Variants in NCOR2 observed in about 807,000 individuals in gnomAD.
The protein encoded by NCOR2 is nuclear receptor corepressor 2.
Under a neutral mutation model 262.9 loss-of-function variants are expected in NCOR2, and 81 were observed. The observed-to-expected ratio is 0.31, with a 90% CI of 0.26 to 0.37. The LOEUF (loss-of-function observed/expected upper bound fraction) is 0.37. Among genes scored for constraint, NCOR2 ranks in the 10% least tolerant of loss-of-function variants. The probability of loss-of-function intolerance (pLI) is 1.00; values close to 1 mark genes in which losing one functional copy is unlikely to be tolerated. For missense variants in NCOR2, 3,385 were observed against 3,621.4 expected (o/e 0.93, Z 1.68); for synonymous variants, 1,659 against 1,559.3 (o/e 1.06, Z -1.51).
At chr12:124,395,504 C>T (rs1436327991) in intron 16 of NCOR2, among the ~76,000 whole-genome samples, 3 of 152,264 alleles carry the variant, frequency 2.0e-5, no homozygotes, top group Non-Finnish European at 4.4e-5. Flanking sequence ...GGGACGCTCA[C>T]TGCCGTCTCC....
At chr12:124,383,555 C>A in intron 17 of NCOR2, 1 of 459,012 alleles carries the variant, frequency 2.2e-6, no homozygotes, top group South Asian at 9.1e-5. Context: ...AAGAGGGGGC[C>A]TCAGGTGGCC....
At chr12:124,563,894 T>C (rs1594083319) in intron 1 of NCOR2, among the ~76,000 whole-genome samples, 1 of 152,356 alleles carries the variant, frequency 6.6e-6, no homozygotes, top group Middle Eastern at 3.4e-3. Context: ...CTGCAGTAAA[T>C]TCCTGCTGCA....
Position 124,433,879 on chromosome 12 carries a change from C to CAAACACACAT in NCOR2, c.883-3093_883-3092insATGTGTGTTT, listed in dbSNP as rs879336408. Reference sequence around the variant, plus strand: ...ACACACACACACACACACACACACACACACACACACACACACACACGCACA... The same window carrying CAAACACACAT: ...ACACACACACACACACACACACACACAAACACACATACACACACACACACACACACGCACA... On this transcript the variant is annotated intron_variant, in intron 8 of 46. Transcript: ENST00000405201. 2.9e-5 allele frequency among the ~76,000 whole-genome samples: 3 copies of CAAACACACAT among 103,306 alleles called. 1 individual carries two copies. The highest frequency in any genetic ancestry group is 1.9e-4 in the Admixed American group (2 of 10,308). The allele number at this position is 103,306 out of a possible 152,430, so 67.8% of individuals were successfully genotyped here.
At chr12:124,421,412 G>A (rs368939175) in intron 12 of NCOR2, among the ~76,000 whole-genome samples, 2 of 152,208 alleles carry the variant, frequency 1.3e-5, no homozygotes, top group Admixed American at 6.5e-5. Flanking sequence ...CCGCCGTGCC[G>A]TCCACTCCCT....
intron 44 of NCOR2, chr12:124,328,903 C>T (rs1391975262): frequency 7.2e-6 from 2 of 275,946 alleles, no homozygotes; most frequent in Non-Finnish European, 1.5e-5. Context: ...ATGCTCACAC[C>T]TTTTCTGCTG....
At position 124,335,757 on chromosome 12, in the gene NCOR2, G is replaced by A. The variant is rs1566357594; in HGVS notation, c.6116-125C>T. On this transcript the variant is annotated intron_variant, in intron 38 of 46. Coordinates refer to ENST00000405201, the Ensembl canonical transcript of NCOR2. ...CAAGGGGAACCCAAGCTAGGGGTAGGGTTTGGGCTCCCAAAGACAGTAAGG... is the reference window on the plus strand; with the variant it reads ...CAAGGGGAACCCAAGCTAGGGGTAGAGTTTGGGCTCCCAAAGACAGTAAGG... The A allele has an allele frequency of 4.4e-6, 5 of 1,130,322 alleles. No individual in the cohort carries two copies. The South Asian group carries it at 8.0e-5, about 18-fold the overall frequency. 70.0% of individuals were successfully genotyped at this position (1,130,322 alleles called of 1,614,324 possible).
intron 11 of NCOR2, among the ~76,000 whole-genome samples, chr12:124,425,360 C>T (rs1008511147): frequency 8.6e-5 from 13 of 150,536 alleles, no homozygotes; most frequent in East Asian, 1.9e-4. Context: ...GGCAACAGAA[C>T]GAAACTCTGT....
chr12:124,402,018 A>AG (rs1336499416), intron 14 of NCOR2, among the ~76,000 whole-genome samples: 1 of 152,154 alleles, frequency 6.6e-6, no homozygotes, highest in Non-Finnish European at 1.5e-5. Flanking sequence ...TCCTTCCAGG[A>AG]GGGCCTCTGA....
chr12:124,546,452 A>G (rs1008177474), intron 1 of NCOR2, among the ~76,000 whole-genome samples: 1 of 152,216 alleles, frequency 6.6e-6, no homozygotes, highest in African/African-American at 2.4e-5. Context: ...TCTGTTATAC[A>G]GGCTGGAGTG....
rs1453103773 is a variant in NCOR2 at position 124,488,879 on chromosome 12, G to A, written c.106-2311C>T. ...CCATGGTGGAGGAGGCCCGAAGTGG[G>A]GGCTGGGGAGGCCTCTGCATGAACC... On this transcript the variant is annotated intron_variant, in intron 1 of 46. Coordinates refer to ENST00000405201, the Ensembl canonical transcript of NCOR2. Among the ~76,000 whole-genome samples the A allele has an allele frequency of 2.6e-5, 4 of 152,126 alleles. No individual in the cohort carries two copies. The East Asian group carries it at 5.8e-4, about 22-fold the overall frequency.
intron 1 of NCOR2, among the ~76,000 whole-genome samples, chr12:124,555,224 T>G (rs1045723047): frequency 2.0e-5 from 3 of 152,176 alleles, no homozygotes; most frequent in Non-Finnish European, 4.4e-5. Flanking sequence ...CTTGCCTGCA[T>G]CCTACCAGCT....
intron 28 of NCOR2, chr12:124,348,904 C>T (rs542682398): frequency 6.4e-6 from 1 of 156,440 alleles, no homozygotes; most frequent in East Asian, 1.9e-4. Flanking sequence ...TGTGCACTGG[C>T]ACGGGTCTTG....
At chr12:124,447,570 G>C (rs757131558) in intron 7 of NCOR2, among the ~76,000 whole-genome samples, 31 of 152,058 alleles carry the variant, frequency 2.0e-4, no homozygotes, top group Non-Finnish European at 1.9e-4. Context: ...TAATAATATG[G>C]CTATCAAAAA....
At chr12:124,402,186 G>A (rs551082712) in intron 14 of NCOR2, among the ~76,000 whole-genome samples, 2 of 152,186 alleles carry the variant, frequency 1.3e-5, no homozygotes, top group South Asian at 2.1e-4. Context: ...GAAAGAAAGC[G>A]AGGGCGGAGG....
intron 1 of NCOR2, among the ~76,000 whole-genome samples, chr12:124,557,672 T>C (rs1594071974): frequency 1.3e-5 from 2 of 152,002 alleles, no homozygotes; most frequent in African/African-American, 4.8e-5. Context: ...CAGGGGATGA[T>C]AGTGGCAGAC....
chr12:124,433,906 A>ACACACACG (rs1565940643), intron 8 of NCOR2, among the ~76,000 whole-genome samples: 10 of 145,100 alleles, frequency 6.9e-5, no homozygotes, highest in Admixed American at 1.3e-4. Context: ...ACACGCACAC[A>ACACACACG]CACACACAGG....
intron 3 of NCOR2, among the ~76,000 whole-genome samples, chr12:124,479,284 ACACATGCACACTCACG>A (rs2047275904): frequency 6.6e-6 from 1 of 151,316 alleles, no homozygotes; most frequent in Non-Finnish European, 1.5e-5. Flanking sequence ...ATGCATATAC[ACACATGCACACTCACG>A]CACATGCACG....
At position 124,481,068 on chromosome 12, in the gene NCOR2, C is replaced by T. The variant is rs1397855150; in HGVS notation, c.411+2528G>A. Among the ~76,000 whole-genome samples the T allele has an allele frequency of 1.4e-5, 2 of 142,626 alleles. No individual in the cohort carries two copies. The highest frequency in any genetic ancestry group is 5.3e-5 in the African/African-American group (2 of 37,788). 93.6% of individuals were successfully genotyped at this position (142,626 alleles called of 152,430 possible). A position where few individuals can be genotyped will look rare whatever the true frequency, so the allele number is the denominator to read the frequency against. ...TAGGGAGGTTGCCCCAGGGGATGAG[C>T]AGGGAGAGATGGCAGGAGCTGAGGA... On this transcript the variant is annotated intron_variant, in intron 3 of 46. Coordinates refer to ENST00000405201, the Ensembl canonical transcript of NCOR2. This position sits in a 1 kb window ranked among gnomAD's most constrained non-coding sequence, Gnocchi z 4.6.
chr12:124,542,204 G>A lies in NCOR2; in HGVS notation c.-164-6593C>T, dbSNP rs537866114. ...CTGGACTCTGGAGCCTTTCCCACCAGACCTGCAGCAGCCACAGGAACAGGG... is the reference window on the plus strand; with the variant it reads ...CTGGACTCTGGAGCCTTTCCCACCAAACCTGCAGCAGCCACAGGAACAGGG... On this transcript the variant is annotated intron_variant, in intron 1 of 32. Coordinates refer to the NCOR2 transcript ENST00000458234. Among the ~76,000 whole-genome samples, 204 of 152,102 alleles carry A rather than the reference G, an allele frequency of 1.3e-3. 1 individual carries two copies. Among genetic ancestry groups the A allele is most frequent in the Admixed American group, 4.1e-3 (62 of 15,280 alleles).
Sources: allele counts gnomAD v4.1 joint callset (sites outside exome capture counted in the v4.1 genomes callset), GRCh38; gene constraint gnomAD v4.1.1; non-coding constraint Gnocchi (gnomAD v3.1); transcripts MANE v1.5; gene names NCBI Gene and HGNC (gene_info 2026-07-23, HGNC 2026-07-21).